The following TP73 variants were observed in gnomAD, a reference collection of about 807,000 sequenced individuals.
The protein encoded by TP73 is tumor protein p73, also known as p53-like transcription factor.
A neutral mutation model predicts 62.5 loss-of-function variants in TP73; 25 were observed. That is an observed-to-expected ratio of 0.40 (90% confidence interval 0.29 to 0.56). The LOEUF (loss-of-function observed/expected upper bound fraction) is 0.56, where lower values mean the gene tolerates loss of function less well. Among genes scored for constraint, TP73 ranks in the 20% least tolerant of loss-of-function variants. The probability of loss-of-function intolerance (pLI) is 0.46; values close to 1 mark genes in which losing one functional copy is unlikely to be tolerated. For missense variants in TP73, 754 were observed against 913.3 expected, an observed-to-expected ratio of 0.83 and a Z score of 2.25; for synonymous variants, 423 against 377.5, an observed-to-expected ratio of 1.12 and a Z score of -1.40.
At position 3,663,916 on chromosome 1, in the gene TP73, G is replaced by A. The variant is rs1158418438; in HGVS notation, c.-34+11275G>A. ...TTTCCCTGGCTTCTCAGATGCCACC[G>A]TGCCAGGTTTTGGGGTAGTGGTATG... is the stretch of plus-strand genomic sequence containing the variant. On this transcript the variant is annotated intron_variant, in intron 1 of 13. Coordinates refer to ENST00000378295, the MANE Select transcript of TP73 (RefSeq NM_005427.4). This position sits in a 1 kb window ranked among gnomAD's most constrained non-coding sequence, Gnocchi z 4.7. Among the ~76,000 whole-genome samples the A allele has an allele frequency of 2.6e-5, 4 of 152,142 alleles. No individual in the cohort carries two copies. The highest frequency in any genetic ancestry group is 2.0e-4 in the Admixed American group (3 of 15,276).
chr1:3,703,435 G>A (rs111388076), intron 3 of TP73, among the ~76,000 whole-genome samples: 2,290 of 152,262 alleles, frequency 0.015, 55 homozygotes, highest in African/African-American at 0.05. Context: ...CACAGAGGAC[G>A]GCACCGAGAG....
chr1:3,670,767 A>T lies in TP73; in HGVS notation c.-33-11566A>T, dbSNP rs1367430781. The stretch of plus-strand genomic sequence containing the variant: ...ATTTAACCCCAAATGGTGCTTCTCC[A>T]GCAGTCACTCTGTTCCTGTCCTGAC... On this transcript the variant is annotated intron_variant, in intron 1 of 13. Coordinates refer to ENST00000378295, the MANE Select transcript of TP73 (RefSeq NM_005427.4). This position sits in a 1 kb window ranked among gnomAD's most constrained non-coding sequence, Gnocchi z 5.9. Among the ~76,000 whole-genome samples, 1 of 152,258 alleles carries T rather than the reference A, an allele frequency of 6.6e-6. No individual in the cohort carries two copies. Among genetic ancestry groups the T allele is most frequent in the Non-Finnish European group, 1.5e-5 (1 of 68,046 alleles).
rs1641786136 is a variant in TP73 at position 3,727,719 on chromosome 1, C to T, written c.934C>T (p.Gln312Ter). 6.4e-7 allele frequency: 1 copy of T among 1,569,570 alleles called. No individual in the cohort carries two copies. Among genetic ancestry groups the T allele is most frequent in the Non-Finnish European group, 8.6e-7 (1 of 1,159,006 alleles). Residue 312 changes from glutamine to a stop codon, truncating the protein, a stop_gained, in exon 8 of 14, where the codon CAG (glutamine) becomes TAG (stop). Transcript: ENST00000378295. LOFTEE classifies it high-confidence loss of function. ...AGCTGATGAGGACCACTACCGGGAG[C>T]AGCAGGCCCTGAACGAGAGCTCCGC... ...RKADEDHYRE[Q>*]QALNESSAKN...
In TP73 at chr1:3,714,568, A is replaced by AG. The variant is rs1371227101; in HGVS notation, c.429+6780dup. Among the ~76,000 whole-genome samples the AG allele has an allele frequency of 3.3e-5, 5 of 152,258 alleles. No individual in the cohort carries two copies. In the East Asian group the frequency reaches 9.6e-4, roughly 29 times the overall value. ...GCTGGGCCCCTCGTGGGACAGCTCC[A>AG]GGGCCTGGCCCACAGTCCCGCTAGC... On this transcript the variant is annotated intron_variant, in intron 4 of 13. Transcript: ENST00000378295.
At chr1:3,719,319 A>G (rs978459696) in intron 4 of TP73, among the ~76,000 whole-genome samples, 1 of 152,228 alleles carries the variant, frequency 6.6e-6, no homozygotes, top group Admixed American at 6.5e-5. Flanking sequence ...GAGGTGCTCC[A>G]TAAATGCTCA....
chr1:3,708,722 C>T (rs146984373), intron 4 of TP73, among the ~76,000 whole-genome samples: 1,735 of 152,232 alleles, frequency 0.011, 30 homozygotes, highest in African/African-American at 0.039. Flanking sequence ...AGGGGCTGGG[C>T]GGGAAAAGCA....
chr1:3,727,202 A>G lies in TP73; in HGVS notation c.820A>G (p.Ile274Val). Residue 274 changes from isoleucine to valine, a missense_variant, in exon 7 of 14, where the codon ATC becomes GTC. By Grantham distance (29) the Ile-to-Val change is conservative (BLOSUM62 3). This residue lies in a region of TP73 where 458 missense variants were observed against 528.7 expected (regional missense o/e 0.87). Coordinates refer to ENST00000378295, the MANE Select transcript of TP73 (RefSeq NM_005427.4). ...CATGAACCGGCGGCCCATCCTCATC[A>G]TCATCACCCTGGAGATGCGGGAGTG... is the stretch of plus-strand genomic sequence containing the variant. Reference protein sequence around the residue: ...GGMNRRPILIIITLEMRDGQV... With the variant: ...GGMNRRPILIVITLEMRDGQV... 1 of 1,612,164 alleles carries G rather than the reference A, an allele frequency of 6.2e-7. No individual in the cohort carries two copies. Among genetic ancestry groups the G allele is most frequent in the Non-Finnish European group, 8.5e-7 (1 of 1,179,560 alleles).
At chr1:3,686,353 G>A (rs1192512915) in intron 3 of TP73, among the ~76,000 whole-genome samples, 1 of 152,198 alleles carries the variant, frequency 6.6e-6, no homozygotes, top group African/African-American at 2.4e-5. Context: ...GGAGACAGGC[G>A]GAGCAGGTGG....
In TP73 at chr1:3,732,912, G is replaced by T; in HGVS notation, c.1744G>T (p.Val582Phe). 6.2e-7 allele frequency: 1 copy of T among 1,611,082 alleles called. No individual in the cohort carries two copies. The highest frequency in any genetic ancestry group is 8.5e-7 in the Non-Finnish European group (1 of 1,179,560). ...CTCAGGGGAACTGCAGCGCCAGCGG[G>T]TCATGGAGGCCGTGCACTTCCGCGT... ...GGSGELQRQR[V>F]MEAVHFRVRH... Residue 582 changes from valine to phenylalanine, a missense_variant, in exon 14 of 14, where the codon GTC becomes TTC. Val to Phe is a conservative substitution (Grantham distance 50). Around this residue, in one of 3 missense-constraint regions of TP73, gnomAD observed 458 missense variants for 528.7 expected, o/e 0.87. Coordinates refer to ENST00000378295, the MANE Select transcript of TP73 (RefSeq NM_005427.4).
intron 3 of TP73, among the ~76,000 whole-genome samples, chr1:3,685,423 C>T (rs956287982): frequency 6.6e-6 from 1 of 152,202 alleles, no homozygotes; most frequent in African/African-American, 2.4e-5. Flanking sequence ...CTCCCAAAGC[C>T]ATGTATGAAA....
At chr1:3,669,001 C>T (rs1175021167) in intron 1 of TP73, among the ~76,000 whole-genome samples, 2 of 152,242 alleles carry the variant, frequency 1.3e-5, no homozygotes, top group African/African-American at 4.8e-5. Flanking sequence ...CCCCCAGCTG[C>T]CCTGCAGCTC....
rs1178009678 is a variant in TP73 at position 3,699,436 on chromosome 1, A to C, written c.187-8113A>C. Reference sequence around the variant, plus strand: ...AGGACACGGACCTCCTTGTTCTACAAGAGCTGGGGTCACAGCTCAGAGCCC... The same window carrying C: ...AGGACACGGACCTCCTTGTTCTACACGAGCTGGGGTCACAGCTCAGAGCCC... On this transcript the variant is annotated intron_variant, in intron 3 of 13. Coordinates refer to ENST00000378295, the MANE Select transcript of TP73 (RefSeq NM_005427.4). The surrounding 1 kb of genome is among the most constrained non-coding windows in gnomAD (Gnocchi z 4.1). Among the ~76,000 whole-genome samples, 2 of 152,202 alleles carry C rather than the reference A, an allele frequency of 1.3e-5. No individual in the cohort carries two copies. The highest frequency in any genetic ancestry group is 2.9e-5 in the Non-Finnish European group (2 of 68,026).
At chr1:3,730,208 TAGCTCAGGACACACCACCC>T (rs1419559211) in intron 11 of TP73, 60 bp downstream of exon 11, 23 of 1,451,998 alleles carry the variant, frequency 1.6e-5, no homozygotes, top group Non-Finnish European at 2.0e-5. Flanking sequence ...TGGGGGCGCC[TAGCTCAGGACACACCACCC>T]AGCTCGGGAC....
At chr1:3,678,809 GA>G (rs1309654333) in intron 1 of TP73, among the ~76,000 whole-genome samples, 1 of 152,214 alleles carries the variant, frequency 6.6e-6, no homozygotes, top group Non-Finnish European at 1.5e-5. Context: ...CCACTGTGGG[GA>G]GGGGTGTCCT....
In TP73 at chr1:3,711,689, C is replaced by T. The variant is rs114448178; in HGVS notation, c.429+3898C>T. Among the ~76,000 whole-genome samples the T allele has an allele frequency of 8.9e-3, 1,349 of 152,344 alleles. 16 individuals are homozygous for T. Among genetic ancestry groups the T allele is most frequent in the African/African-American group, 0.031 (1,274 of 41,576 alleles). On this transcript the variant is annotated intron_variant, in intron 4 of 13. Transcript: ENST00000378295. ...GCTGAGTGACACCACCCACAGCCCACGAGGCAGGCTGCCATGGCAGGATGG... is the reference window on the plus strand; with the variant it reads ...GCTGAGTGACACCACCCACAGCCCATGAGGCAGGCTGCCATGGCAGGATGG...
intron 3 of TP73, among the ~76,000 whole-genome samples, chr1:3,691,931 G>A (rs1168381134): frequency 1.3e-5 from 2 of 152,236 alleles, no homozygotes; most frequent in Admixed American, 6.5e-5. Flanking sequence ...GTGTGACAGC[G>A]ATGTGTGTGA....
intron 1 of TP73, among the ~76,000 whole-genome samples, chr1:3,665,680 T>A (rs6679556): frequency 0.83 from 122,254 of 147,512 alleles, 51,070 homozygotes; most frequent in African/African-American, 0.94. Flanking sequence ...TTTTAGACAA[T>A]TTCTCTCTCT....
intron 1 of TP73, among the ~76,000 whole-genome samples, chr1:3,677,596 G>A (rs1457210996): frequency 6.6e-6 from 1 of 151,950 alleles, no homozygotes; most frequent in Non-Finnish European, 1.5e-5. Context: ...AAATGCTGTG[G>A]CCACACAAAG....
intron 4 of TP73, chr1:3,708,104 C>A (rs1448847440): frequency 1.5e-5 from 7 of 459,998 alleles, no homozygotes; most frequent in Non-Finnish European, 2.8e-5. Context: ...CAGGTGGGAT[C>A]TTTGGTTTGA....
Sources: allele counts gnomAD v4.1 joint callset (sites outside exome capture counted in the v4.1 genomes callset), GRCh38; gene constraint gnomAD v4.1.1; regional missense constraint gnomAD v4.1.1; non-coding constraint Gnocchi (gnomAD v3.1); transcripts MANE v1.5; gene names NCBI Gene and HGNC (gene_info 2026-07-23, HGNC 2026-07-21).